Variants in HYCC1 observed in about 807,000 individuals in gnomAD.
HYCC1 encodes hyccin.
At chr7:22,900,890 C>G in the HYCC1 span, among the ~76,000 whole-genome samples, 23 of 152,130 alleles carry the variant, frequency 1.5e-4, no homozygotes, top group South Asian at 4.4e-3. Context: ...TGTGTCTTCT[C>G]TAAGTAAGAA....
chr7:22,914,321 C>T, the HYCC1 span, among the ~76,000 whole-genome samples: 3 of 152,212 alleles, frequency 2.0e-5, no homozygotes, highest in South Asian at 2.1e-4. Flanking sequence ...TCACCACCCC[C>T]CTTCTCCGTG....
the HYCC1 span, among the ~76,000 whole-genome samples, chr7:22,908,900 G>A: frequency 6.6e-6 from 1 of 152,200 alleles, no homozygotes; most frequent in African/African-American, 2.4e-5. Flanking sequence ...AGCCAGTTAT[G>A]CAGGCAGTCA....
At chr7:23,008,150 C>G in the HYCC1 span, among the ~76,000 whole-genome samples, 2 of 152,024 alleles carry the variant, frequency 1.3e-5, no homozygotes. Context: ...AATTTAGTTA[C>G]TACAAAACAC....
chr7:23,002,928 A>C, the HYCC1 span, among the ~76,000 whole-genome samples: 2 of 152,134 alleles, frequency 1.3e-5, no homozygotes, highest in African/African-American at 4.8e-5. Flanking sequence ...TGGCTTATAG[A>C]TGGCGGTCTT....
At chr7:22,980,344 T>C in the HYCC1 span, among the ~76,000 whole-genome samples, 2 of 152,026 alleles carry the variant, frequency 1.3e-5, no homozygotes, top group Non-Finnish European at 2.9e-5. Flanking sequence ...AGAGAGACTG[T>C]ACCTCAAGTA....
At chr7:22,922,969 T>C in the HYCC1 span, among the ~76,000 whole-genome samples, 1 of 152,298 alleles carries the variant, frequency 6.6e-6, no homozygotes, top group South Asian at 2.1e-4. Context: ...AATAGTGAGA[T>C]ACTTCAATAC....
chr7:22,917,140 T>A, the HYCC1 span, among the ~76,000 whole-genome samples: 1 of 152,166 alleles, frequency 6.6e-6, no homozygotes, highest in Non-Finnish European at 1.5e-5. Flanking sequence ...CCAACTTCTG[T>A]CCCTCACGGC....
At chr7:22,998,938 C>T in the HYCC1 span, among the ~76,000 whole-genome samples, 2 of 152,188 alleles carry the variant, frequency 1.3e-5, no homozygotes, top group Non-Finnish European at 2.9e-5. Context: ...GGCTCCATGT[C>T]TTTGCCTATG....
chr7:22,910,794 C>T, the HYCC1 span, among the ~76,000 whole-genome samples: 184 of 151,346 alleles, frequency 1.2e-3, 1 homozygote, highest in African/African-American at 4.3e-3. Flanking sequence ...GGGGGGGCAA[C>T]TAATTTTAGT....
the HYCC1 span, among the ~76,000 whole-genome samples, chr7:22,916,913 C>T: frequency 6.6e-6 from 1 of 152,178 alleles, no homozygotes; most frequent in Non-Finnish European, 1.5e-5. Context: ...CCTTCCATAT[C>T]CTGCACCACC....
chr7:22,960,568 A>C, the HYCC1 span, among the ~76,000 whole-genome samples: 1 of 152,330 alleles, frequency 6.6e-6, no homozygotes, highest in African/African-American at 2.4e-5. Flanking sequence ...CTAAGATAAG[A>C]ATAGGAGGCT....
At chr7:22,991,275 T>A in the HYCC1 span, 1 of 590,350 alleles carries the variant, frequency 1.7e-6, no homozygotes, top group Admixed American at 3.1e-5. Context: ...ACTAAATTCA[T>A]TTCAAAACCA....
chr7:22,919,390 G>A, the HYCC1 span, among the ~76,000 whole-genome samples: 2 of 152,166 alleles, frequency 1.3e-5, no homozygotes. Flanking sequence ...TTACCCAGGT[G>A]TGGTGGCACG....
the HYCC1 span, among the ~76,000 whole-genome samples, chr7:22,908,395 C>A: frequency 6.6e-6 from 1 of 152,290 alleles, no homozygotes. Context: ...TCTAATGTTC[C>A]AGCACACAGA....
chr7:22,941,325 G>A, the HYCC1 span: 5 of 152,032 alleles, frequency 3.3e-5, no homozygotes, highest in African/African-American at 1.2e-4. Flanking sequence ...ACTACATATG[G>A]AGAACATTTA....
chr7:22,962,367 A>G, the HYCC1 span, among the ~76,000 whole-genome samples: 1 of 152,296 alleles, frequency 6.6e-6, no homozygotes, highest in East Asian at 1.9e-4. Context: ...GGCACTCACA[A>G]GAAAAACTAG....
At chr7:22,934,569 A>C in the HYCC1 span, 1 of 152,282 alleles carries the variant, frequency 6.6e-6, no homozygotes, top group African/African-American at 2.4e-5. Flanking sequence ...CCCCAGGTTC[A>C]GTGATTCAAC....
chr7:22,922,271 G>A, the HYCC1 span, among the ~76,000 whole-genome samples: 110 of 152,176 alleles, frequency 7.2e-4, 1 homozygote, highest in Non-Finnish European at 1.3e-3. Flanking sequence ...GAAAGACAGC[G>A]ATTGTCAGAT....
At chr7:22,901,734 T>C in the HYCC1 span, among the ~76,000 whole-genome samples, 1 of 151,948 alleles carries the variant, frequency 6.6e-6, no homozygotes, top group South Asian at 2.1e-4. Flanking sequence ...GAAAGACATA[T>C]AAATTATAAA....
Sources: allele counts gnomAD v4.1 joint callset (sites outside exome capture counted in the v4.1 genomes callset), GRCh38; gene constraint gnomAD v4.1.1; transcripts MANE v1.5; gene names NCBI Gene and HGNC (gene_info 2026-07-23, HGNC 2026-07-21).